The following ASIC2 variants were observed in gnomAD, a reference collection of about 807,000 sequenced individuals.
ASIC2 encodes acid-sensing ion channel 2.
ASIC2 carries 25 observed loss-of-function variants against 57.3 expected under a neutral mutation model. The ratio of observed to expected loss-of-function variants is 0.44; its 90% CI spans 0.32 to 0.61. The LOEUF is 0.61. Ranked by LOEUF, ASIC2 falls within the 20% of genes least tolerant of loss-of-function variation. ASIC2 has a pLI of 0.06. For missense variants in ASIC2, 641 were observed against 738.1 expected, an observed-to-expected ratio of 0.87 and a Z score of 1.52; for synonymous variants, 319 against 307.5, an observed-to-expected ratio of 1.04 and a Z score of -0.39.
chr17:33,052,390 G>C (rs2091980421), intron 3 of ASIC2: 1 of 152,224 alleles, frequency 6.6e-6, no homozygotes, highest in African/African-American at 2.4e-5. Flanking sequence ...AAGTCTTCTT[G>C]ATGAATCACT....
intron 7 of ASIC2, among the ~76,000 whole-genome samples, chr17:33,020,059 G>A (rs1192232808): frequency 6.6e-6 from 1 of 152,092 alleles, no homozygotes; most frequent in African/African-American, 2.4e-5. Flanking sequence ...TGGCCACAAT[G>A]ACTTCTGAGG....
chr17:33,073,949 T>A (rs1380773754), intron 3 of ASIC2, among the ~76,000 whole-genome samples: 1 of 151,924 alleles, frequency 6.6e-6, no homozygotes, highest in East Asian at 1.9e-4. Context: ...GGGAGAGGGA[T>A]CTGAGGAGAG....
At chr17:33,496,362 C>T (rs1040344318) in intron 1 of ASIC2, among the ~76,000 whole-genome samples, 3 of 152,134 alleles carry the variant, frequency 2.0e-5, no homozygotes, top group Non-Finnish European at 4.4e-5. Flanking sequence ...GATCAGGGCT[C>T]CTCTCCCACT....
At chr17:33,608,646 G>A (rs915812371) in intron 1 of ASIC2, among the ~76,000 whole-genome samples, 4 of 152,060 alleles carry the variant, frequency 2.6e-5, no homozygotes, top group Admixed American at 6.5e-5. Context: ...TACTCTCTGG[G>A]CACCAGTTGA....
chr17:33,479,753 C>T (rs371999532), intron 1 of ASIC2, among the ~76,000 whole-genome samples: 1 of 152,158 alleles, frequency 6.6e-6, no homozygotes, highest in Non-Finnish European at 1.5e-5. Flanking sequence ...ACCAGGCCTT[C>T]GCAAGGAGAC....
chr17:33,060,636 A>C (rs1300419287), intron 3 of ASIC2, among the ~76,000 whole-genome samples: 1 of 151,952 alleles, frequency 6.6e-6, no homozygotes, highest in South Asian at 2.1e-4. Context: ...ATTGACTTGG[A>C]AATGCGGGCT....
intron 1 of ASIC2, among the ~76,000 whole-genome samples, chr17:33,176,627 G>A (rs931669078): frequency 5.3e-5 from 8 of 152,350 alleles, no homozygotes; most frequent in Admixed American, 5.2e-4. Flanking sequence ...TTACAGGCAT[G>A]AGCCACAATG....
chr17:34,149,638 A>C (rs939050544), intron 1 of ASIC2, among the ~76,000 whole-genome samples: 1 of 152,224 alleles, frequency 6.6e-6, no homozygotes. Flanking sequence ...AGGCCTTATG[A>C]GGAGGGGAGA....
chr17:33,921,283 C>A (rs1915704110), intron 1 of ASIC2, among the ~76,000 whole-genome samples: 1 of 152,082 alleles, frequency 6.6e-6, no homozygotes, highest in East Asian at 1.9e-4. Flanking sequence ...ATGATGTCTA[C>A]TTTGATGTGT....
intron 1 of ASIC2, among the ~76,000 whole-genome samples, chr17:34,026,692 A>G (rs28469759): frequency 0.045 from 6,827 of 152,144 alleles, 430 homozygotes; most frequent in African/African-American, 0.14. Flanking sequence ...GCATTCATCA[A>G]CTCCCCAAAT....
chr17:34,038,752 C>G, intron 1 of ASIC2: 1 of 1,610,376 alleles, frequency 6.2e-7, no homozygotes, highest in Non-Finnish European at 8.5e-7. Context: ...TTAACGTTAA[C>G]GTTTCATTTT....
chr17:34,142,608 C>T (rs1366278013), intron 1 of ASIC2, among the ~76,000 whole-genome samples: 1 of 152,194 alleles, frequency 6.6e-6, no homozygotes, highest in East Asian at 1.9e-4. Context: ...AATAGTCTCT[C>T]TCCAGAGCTC....
At chr17:33,193,439 C>A (rs1014149909) in intron 1 of ASIC2, among the ~76,000 whole-genome samples, 1 of 152,170 alleles carries the variant, frequency 6.6e-6, no homozygotes, top group Admixed American at 6.5e-5. Context: ...CCTCCGGAGG[C>A]TTTACCATTT....
chr17:33,243,726 T>A (rs1908593521), intron 1 of ASIC2, among the ~76,000 whole-genome samples: 1 of 152,178 alleles, frequency 6.6e-6, no homozygotes, highest in South Asian at 2.1e-4. Context: ...CAAATACTCT[T>A]CTAGGGCTTT....
intron 1 of ASIC2, among the ~76,000 whole-genome samples, chr17:33,879,422 A>T (rs140742067): frequency 1.3e-5 from 2 of 152,320 alleles, no homozygotes; most frequent in Non-Finnish European, 2.9e-5. Flanking sequence ...GATCTTCCAA[A>T]CAAATGGAAA....
chr17:33,804,988 A>G (rs1226253955), intron 1 of ASIC2, among the ~76,000 whole-genome samples: 1 of 151,920 alleles, frequency 6.6e-6, no homozygotes, highest in Admixed American at 6.6e-5. Context: ...CCAGCCTGGT[A>G]TCCTTAAAAC....
chr17:33,787,135 C>A (rs182717644), intron 1 of ASIC2, among the ~76,000 whole-genome samples: 2 of 152,176 alleles, frequency 1.3e-5, no homozygotes, highest in African/African-American at 4.8e-5. Flanking sequence ...GCTCTCACAG[C>A]GTGCTCACAA....
rs60125160 is a variant in ASIC2 at position 33,445,797 on chromosome 17, C to CA, written c.556-333731dup. ...GGGCAACAAGAGCGAAACTCCATCTCAAAAAAAAAAAAAAAAAAATGGGGA... is the reference window on the plus strand; with the variant it reads ...GGGCAACAAGAGCGAAACTCCATCTCAAAAAAAAAAAAAAAAAAAATGGGGA... On this transcript the variant is annotated intron_variant, in intron 1 of 9. Transcript: ENST00000359872. 7.5e-3 allele frequency among the ~76,000 whole-genome samples: 906 copies of CA among 120,932 alleles called. 18 individuals are homozygous for CA. The highest frequency in any genetic ancestry group is 8.9e-3 in the African/African-American group (272 of 30,664). 79.3% of individuals were successfully genotyped at this position (120,932 alleles called of 152,430 possible).
At chr17:33,997,749 C>T (rs1567782453) in intron 1 of ASIC2, among the ~76,000 whole-genome samples, 1 of 151,044 alleles carries the variant, frequency 6.6e-6, no homozygotes, top group Non-Finnish European at 1.5e-5. Flanking sequence ...TATGATCCTT[C>T]TGAGGTGCTG....
Sources: gnomAD v4.1 joint callset for allele counts (sites outside exome capture counted in the v4.1 genomes callset) on GRCh38, gnomAD v4.1.1 for gene constraint, MANE v1.5 for transcripts, NCBI Gene and HGNC (gene_info 2026-07-23, HGNC 2026-07-21) for gene names.